The following COL6A3 variants were observed in gnomAD, a reference collection of about 807,000 sequenced individuals.
COL6A3 encodes the protein collagen type VI alpha 3 chain.
In COL6A3, 137 loss-of-function variants were observed where a neutral mutation model predicts 274.1. The ratio of observed to expected loss-of-function variants is 0.50; its 90% CI spans 0.44 to 0.58. The LOEUF (loss-of-function observed/expected upper bound fraction) is 0.58. Ranked by LOEUF, COL6A3 falls within the 20% of genes least tolerant of loss-of-function variation. The pLI, the probability that COL6A3 is intolerant of heterozygous loss-of-function variation, is 0.00. For missense variants in COL6A3, 3,950 were observed against 4,124.9 expected (o/e 0.96, Z 1.16); for synonymous variants, 1,650 against 1,650.6 (o/e 1.00, Z 0.01).
chr2:237,392,613 T>C (rs1440135986), intron 3 of COL6A3, among the ~76,000 whole-genome samples: 2 of 152,356 alleles, frequency 1.3e-5, no homozygotes, highest in African/African-American at 2.4e-5. Flanking sequence ...CTTCCTATGA[T>C]CAGTTCCCCT....
chr2:237,366,686 C>G lies in COL6A3; in HGVS notation c.5500+1G>C. The G allele has an allele frequency of 6.2e-7, 1 of 1,614,204 alleles. No homozygotes were observed. The highest frequency in any genetic ancestry group is 8.5e-7 in the Non-Finnish European group (1 of 1,180,042). On this transcript the variant is annotated splice_donor_variant, in intron 11 of 43. Transcript: ENST00000295550. LOFTEE classifies it high-confidence loss of function. The stretch of plus-strand genomic sequence containing the variant: ...GAAAATATGCACATAATGGGAGTTA[C>G]CTTTGGCAGCATCAGTTACACCAGG...
At position 237,342,136 on chromosome 2, in the gene COL6A3, G is replaced by A. The variant is rs747330663; in HGVS notation, c.7694C>T (p.Ala2565Val). 5.0e-6 allele frequency: 8 copies of A among 1,614,040 alleles called. No individual in the cohort carries two copies. Among genetic ancestry groups the A allele is most frequent in the East Asian group, 2.2e-5 (1 of 44,902 alleles). ...GTCTCTCCCTGCAGGCAGGACAAGC[G>A]CATGCCCCACTGCTGTGTTATTGAT... ...LQINNTAVGH[A>V]LVLPAGRDLT... The change falls in exon 37 of 44, where the codon GCG becomes GTG. Residue 2565 changes from alanine (A) to valine (V), a missense_variant. Transcript: ENST00000295550.
chr2:237,361,228 C>T lies in COL6A3; in HGVS notation c.6157-54G>A. The T allele has an allele frequency of 6.5e-7, 1 of 1,534,078 alleles. No individual in the cohort carries two copies. The highest frequency in any genetic ancestry group is 1.1e-5 in the South Asian group (1 of 89,368). ...TAATCCCGTGGTCTTCTTTGCTCTACAGTAAGAATCCCTGTGGTCCCCCTT... is the reference window on the plus strand; with the variant it reads ...TAATCCCGTGGTCTTCTTTGCTCTATAGTAAGAATCCCTGTGGTCCCCCTT... On this transcript the variant is annotated intron_variant, in intron 15 of 43. Coordinates refer to ENST00000295550, the MANE Select transcript of COL6A3 (RefSeq NM_004369.4). This position sits in a 1 kb window ranked among gnomAD's most constrained non-coding sequence, Gnocchi z 5.1.
chr2:237,360,277 C>T (rs962179346), intron 16 of COL6A3, 118 bp from the exon 17 acceptor site: 23 of 1,026,260 alleles, frequency 2.2e-5, no homozygotes, highest in Non-Finnish European at 3.4e-5. Context: ...CAGATTTCAC[C>T]ATGGGGAACG....
chr2:237,410,211 C>CAGAGATA (rs561575051), intron 1 of COL6A3, among the ~76,000 whole-genome samples: 3 of 151,840 alleles, frequency 2.0e-5, no homozygotes, highest in African/African-American at 4.8e-5. Context: ...CTGAAGCTCG[C>CAGAGATA]AGAGATACAC....
Position 237,368,670 on chromosome 2 carries a change from T to C in COL6A3, c.4793A>G (p.Glu1598Gly). 6 of 1,614,156 alleles carry C rather than the reference T, an allele frequency of 3.7e-6. No homozygotes were observed. The highest frequency in any genetic ancestry group is 4.2e-6 in the Non-Finnish European group (5 of 1,180,034). The part of the protein sequence containing the change: ...NDPRLVFTVR[E>G]FRELPNIEER... ...TTCTATGTTGGGAAGCTCTCTGAAC[T>C]CTCGCACTGTGAAGACCAGTCTGGG... Residue 1598 changes from glutamate (E) to glycine (G), a missense_variant, in exon 10 of 44, where the codon GAG (glutamate) becomes GGG (glycine). Around this residue, in one of 5 missense-constraint regions of COL6A3, gnomAD observed 632 missense variants for 623.4 expected, o/e 1.01. Transcript: ENST00000295550. The surrounding 1 kb of genome is among the most constrained non-coding windows in gnomAD (Gnocchi z 4.4).
intron 27 of COL6A3, among the ~76,000 whole-genome samples, chr2:237,350,732 C>T (rs1002990125): frequency 4.6e-5 from 7 of 152,202 alleles, no homozygotes; most frequent in Admixed American, 1.3e-4. Flanking sequence ...AGCCACTGTG[C>T]GTGCACTGCC....
At chr2:237,369,387 T>C (rs771377237) in intron 9 of COL6A3, among the ~76,000 whole-genome samples, 18 of 152,232 alleles carry the variant, frequency 1.2e-4, no homozygotes, top group Non-Finnish European at 4.4e-5. Flanking sequence ...TATTTGAAGT[T>C]ATCCAAAACG....
intron 1 of COL6A3, among the ~76,000 whole-genome samples, chr2:237,412,925 C>A (rs1254860273): frequency 1.3e-5 from 2 of 152,152 alleles, no homozygotes; most frequent in South Asian, 2.1e-4. Context: ...GGGTCTGCAC[C>A]GGCCTCGAAA....
In COL6A3 at chr2:237,365,728, C is replaced by A; in HGVS notation, c.5808G>T (p.Lys1936Asn). The part of the protein sequence containing the change: ...TEDTLKVYLN[K>N]FRQSSPDSVK... ...CGCTGTCCGGCGAGGACTGTCTGAA[C>A]TTGTTCAGGTAGACCTTCAGGGTGT... is the stretch of plus-strand genomic sequence containing the variant. Residue 1936 changes from lysine to asparagine, a missense_variant, in exon 12 of 44, where the codon AAG (lysine) becomes AAT (asparagine). Transcript: ENST00000295550. The A allele has an allele frequency of 6.2e-7, 1 of 1,614,206 alleles. No homozygotes were observed. Among genetic ancestry groups the A allele is most frequent in the Non-Finnish European group, 8.5e-7 (1 of 1,180,036 alleles).
In COL6A3 at chr2:237,340,890, C is replaced by T; in HGVS notation, c.8026G>A (p.Asp2676Asn). 1 of 1,613,560 alleles carries T rather than the reference C, an allele frequency of 6.2e-7. No individual in the cohort carries two copies. The highest frequency in any genetic ancestry group is 8.5e-7 in the Non-Finnish European group (1 of 1,179,556). Residue 2676 changes from aspartate (D) to asparagine (N), a missense_variant, in exon 38 of 44, where the codon GAC becomes AAC. Physicochemically the swap from Asp to Asn is conservative, Grantham distance 23 (BLOSUM62 1). Transcript: ENST00000295550. ...VVQHAPSESV[D>N]NASMPPVKVE... ...TTCACAGGTGGCATGCTGGCATTGT[C>T]CACGGACTCAGAGGGCGCGTGCTGC...
Position 237,394,665 on chromosome 2 carries a change from C to CT in COL6A3, c.630dup (p.Gly211ArgfsTer23). 6.2e-7 allele frequency: 1 copy of CT among 1,614,208 alleles called. No homozygotes were observed. Among genetic ancestry groups the CT allele is most frequent in the Non-Finnish European group, 8.5e-7 (1 of 1,180,028 alleles). ...GAATGCACACAGGACACTAAGTTTC[C>CT]TACTATGTCATGAAGTGAGGTAAAA... On this transcript the variant is annotated frameshift_variant, in exon 3 of 44. Coordinates refer to ENST00000295550, the MANE Select transcript of COL6A3 (RefSeq NM_004369.4). LOFTEE classifies it high-confidence loss of function.
intron 42 of COL6A3, among the ~76,000 whole-genome samples, chr2:237,331,236 G>A (rs1367138388): frequency 3.9e-5 from 6 of 152,196 alleles, no homozygotes; most frequent in Non-Finnish European, 7.3e-5. Context: ...CAACTACTGA[G>A]TAAGCATGCA....
chr2:237,395,624 G>A (rs1005217213), intron 2 of COL6A3, among the ~76,000 whole-genome samples: 17 of 152,020 alleles, frequency 1.1e-4, no homozygotes, highest in African/African-American at 4.1e-4. Context: ...ACAAAACCGG[G>A]CCTTGACAAA....
rs774423612 is a variant in COL6A3 at position 237,372,145 on chromosome 2, C to T, written c.3872G>A (p.Ser1291Asn). 6.2e-7 allele frequency: 1 copy of T among 1,614,114 alleles called. No homozygotes were observed. The highest frequency in any genetic ancestry group is 2.2e-5 in the East Asian group (1 of 44,860). Reference protein sequence around the residue: ...KVEFLLNAHSSKDEVQNAVQR... With the variant: ...KVEFLLNAHSNKDEVQNAVQR... ...CACCGCGTTCTGCACTTCATCCTTGCTGGAATGGGCGTTCAGCAGGAACTC... is the reference window on the plus strand; with the variant it reads ...CACCGCGTTCTGCACTTCATCCTTGTTGGAATGGGCGTTCAGCAGGAACTC... Residue 1291 changes from serine to asparagine, a missense_variant, in exon 9 of 44, where the codon AGC (serine) becomes AAC (asparagine). Physicochemically the swap from Ser to Asn is conservative, Grantham distance 46 (BLOSUM62 1). Around this residue, in one of 5 missense-constraint regions of COL6A3, gnomAD observed 1,934 missense variants for 1,984.3 expected, o/e 0.97. Transcript: ENST00000295550.
rs770630583 is a variant in COL6A3 at position 237,334,867 on chromosome 2, C to G, written c.8988G>C (p.Gln2996His). The change falls in exon 41 of 44, where the codon CAG becomes CAC. Residue 2996 changes from glutamine to histidine, a missense_variant. Transcript: ENST00000295550. ...CGCTGTTCTCTGTTATCTCAAACACCTGGACTTCACGGGACATCTTAACTG... is the reference window on the plus strand; with the variant it reads ...CGCTGTTCTCTGTTATCTCAAACACGTGGACTTCACGGGACATCTTAACTG... ...KPMVKMSREV[Q>H]VFEITENSAK... 20 of 1,614,168 alleles carry G rather than the reference C, an allele frequency of 1.2e-5. No individual in the cohort carries two copies. The highest frequency in any genetic ancestry group is 1.7e-5 in the Non-Finnish European group (20 of 1,180,036).
At position 237,377,186 on chromosome 2, in the gene COL6A3, C is replaced by T. The variant is rs768915206; in HGVS notation, c.2656G>A (p.Val886Met). 3 of 1,614,050 alleles carry T rather than the reference C, an allele frequency of 1.9e-6. No homozygotes were observed. Among genetic ancestry groups the T allele is most frequent in the African/African-American group, 2.7e-5 (2 of 74,926 alleles). ...TGGTGCTCATCAAAACGGGACTCCA[C>T]CTTGACATCATCGCTGTACTGAGCC... ...AVAQYSDDVK[V>M]ESRFDEHQSK... is the part of the protein sequence containing the mutation. The change falls in exon 7 of 44, where the codon GTG becomes ATG. Residue 886 changes from valine (V) to methionine (M), a missense_variant. Transcript: ENST00000295550.
chr2:237,357,921 G>C, intron 21 of COL6A3, 39 bp from the exon 22 acceptor site: 2 of 1,584,482 alleles, frequency 1.3e-6, no homozygotes, highest in Non-Finnish European at 1.7e-6. Flanking sequence ...GCCACATATG[G>C]AAGGAAAGCA....
Position 237,340,764 on chromosome 2 carries a change from C to T in COL6A3, c.8152G>A (p.Ala2718Thr), listed in dbSNP as rs2076970101. ...ACATTCTCTATGGTGTATTCAATGG[C>T]ACTGCCTAAGGCCCTGGTTCCCTGC... ...QLQGTRALGSAIEYTIENVFE... is the reference protein window; with the variant it reads ...QLQGTRALGSTIEYTIENVFE... Residue 2718 changes from alanine to threonine, a missense_variant, in exon 38 of 44, where the codon GCC becomes ACC. By Grantham distance (58) the Ala-to-Thr change is moderately conservative (BLOSUM62 0). Transcript: ENST00000295550. 1 of 1,614,036 alleles carries T rather than the reference C, an allele frequency of 6.2e-7. No homozygotes were observed. Among genetic ancestry groups the T allele is most frequent in the Non-Finnish European group, 8.5e-7 (1 of 1,180,054 alleles).
Sources: allele counts gnomAD v4.1 joint callset (sites outside exome capture counted in the v4.1 genomes callset), GRCh38; gene constraint gnomAD v4.1.1; regional missense constraint gnomAD v4.1.1; non-coding constraint Gnocchi (gnomAD v3.1); transcripts MANE v1.5; gene names NCBI Gene and HGNC (gene_info 2026-07-23, HGNC 2026-07-21).